Variants in SPOCK3 observed in about 807,000 individuals in gnomAD.
SPOCK3 encodes testican-3.
In SPOCK3, 30 loss-of-function variants were observed where a neutral mutation model predicts 56.6. That is an observed-to-expected ratio of 0.53 (90% CI 0.40 to 0.72). The LOEUF is 0.72. Among genes scored for constraint, SPOCK3 ranks in the 30% least tolerant of loss-of-function variants. The pLI is 0.00. For missense variants in SPOCK3, 527 were observed against 530.0 expected, an observed-to-expected ratio of 0.99 and a Z score of 0.06; for synonymous variants, 196 against 183.3, an observed-to-expected ratio of 1.07 and a Z score of -0.56.
chr4:167,000,681 G>A (rs185407586), intron 3 of SPOCK3, among the ~76,000 whole-genome samples: 54 of 152,288 alleles, frequency 3.5e-4, no homozygotes, highest in Middle Eastern at 3.4e-3. Flanking sequence ...AAGCTAAGAT[G>A]CACATATGCC....
rs556231752 is a variant in SPOCK3, at chr4:166,794,194, G to A, written c.590-1905C>T. On this transcript the variant is annotated intron_variant, in intron 6 of 10. Coordinates refer to ENST00000357545, the MANE Select transcript of SPOCK3 (RefSeq NM_001040159.2). Reference sequence around the variant, plus strand: ...TACTGATAAGGTCCACCATGGCTGAGGCTGAGGTGATAAGGCAAAAAAAAA... The same window carrying A: ...TACTGATAAGGTCCACCATGGCTGAAGCTGAGGTGATAAGGCAAAAAAAAA... 6.9e-5 allele frequency among the ~76,000 whole-genome samples: 9 copies of A among 131,294 alleles called. 1 individual carries two copies. In the South Asian group the frequency reaches 2.2e-3, roughly 33 times the overall value. The allele number at this position is 131,294 out of a possible 152,430, so 86.1% of individuals were successfully genotyped here.
At chr4:166,993,045 G>GGGGTTTCT (rs948698513) in intron 4 of SPOCK3, among the ~76,000 whole-genome samples, 24 of 152,234 alleles carry the variant, frequency 1.6e-4, no homozygotes, top group African/African-American at 5.3e-4. Flanking sequence ...TGTTCTCACA[G>GGGGTTTCT]CTGAAATCTT....
chr4:166,775,188 A>T (rs1007002708), intron 7 of SPOCK3, among the ~76,000 whole-genome samples: 1 of 152,096 alleles, frequency 6.6e-6, no homozygotes, highest in African/African-American at 2.4e-5. Flanking sequence ...GTCACTGCAG[A>T]AAAAAAATGA....
At chr4:166,816,947 C>G (rs1447296543) in intron 6 of SPOCK3, among the ~76,000 whole-genome samples, 2 of 151,960 alleles carry the variant, frequency 1.3e-5, no homozygotes, top group Non-Finnish European at 2.9e-5. Flanking sequence ...ATTCTTTCCA[C>G]TTTGTGTTAG....
intron 2 of SPOCK3, among the ~76,000 whole-genome samples, chr4:167,228,737 C>T (rs972500637): frequency 1.1e-4 from 16 of 152,052 alleles, no homozygotes; most frequent in African/African-American, 3.9e-4. Context: ...AGAGCCTAGC[C>T]CTTTGCTGCT....
chr4:166,895,625 T>C (rs1459348837), intron 5 of SPOCK3, among the ~76,000 whole-genome samples: 1 of 152,214 alleles, frequency 6.6e-6, no homozygotes, highest in African/African-American at 2.4e-5. Context: ...AACTAAATTG[T>C]TACATTAACT....
At chr4:166,797,976 G>A (rs1214875518) in intron 6 of SPOCK3, among the ~76,000 whole-genome samples, 1 of 151,956 alleles carries the variant, frequency 6.6e-6, no homozygotes, top group Non-Finnish European at 1.5e-5. Context: ...ATACAATGTT[G>A]CTCCCATAAG....
At chr4:167,092,062 G>A (rs753608645) in intron 2 of SPOCK3, among the ~76,000 whole-genome samples, 12 of 152,058 alleles carry the variant, frequency 7.9e-5, no homozygotes, top group African/African-American at 2.4e-5. Flanking sequence ...TGCAGAAGGT[G>A]GGTGATTTCT....
At chr4:167,196,940 C>G (rs529307921) in intron 2 of SPOCK3, among the ~76,000 whole-genome samples, 1 of 152,088 alleles carries the variant, frequency 6.6e-6, no homozygotes, top group Admixed American at 6.6e-5. Context: ...TGCCATATAA[C>G]ATTATCTTTG....
intron 4 of SPOCK3, among the ~76,000 whole-genome samples, chr4:166,994,481 T>A (rs1224941402): frequency 6.6e-6 from 1 of 152,128 alleles, no homozygotes; most frequent in East Asian, 1.9e-4. Context: ...ATGAATTTCC[T>A]GCTGTAAGAA....
chr4:166,740,148 C>G (rs1253217999), intron 9 of SPOCK3, among the ~76,000 whole-genome samples: 2 of 152,064 alleles, frequency 1.3e-5, no homozygotes, highest in African/African-American at 4.8e-5. Flanking sequence ...CTTTTCCTTT[C>G]AAAGACTGAA....
chr4:166,915,623 C>T (rs751898285), intron 4 of SPOCK3, among the ~76,000 whole-genome samples: 1 of 152,018 alleles, frequency 6.6e-6, no homozygotes, highest in Non-Finnish European at 1.5e-5. Flanking sequence ...AATGAAGTCA[C>T]ATAGTCATTG....
chr4:166,840,904 G>A (rs1378474196), intron 6 of SPOCK3, among the ~76,000 whole-genome samples: 5 of 146,968 alleles, frequency 3.4e-5, no homozygotes, highest in Admixed American at 6.9e-5. Flanking sequence ...TCAGCCTCCC[G>A]AGTAGCTGGT....
intron 2 of SPOCK3, among the ~76,000 whole-genome samples, chr4:167,169,696 G>C (rs903581390): frequency 1.3e-4 from 20 of 151,850 alleles, no homozygotes; most frequent in South Asian, 8.3e-4. Context: ...AATTGATCTT[G>C]AAATGTGAGG....
intron 2 of SPOCK3, among the ~76,000 whole-genome samples, chr4:167,105,463 T>TA (rs552028589): frequency 0.53 from 52,103 of 98,458 alleles, 13,100 homozygotes; most frequent in East Asian, 0.64. Context: ...ACACAAAAAT[T>TA]AAAAAAAAAA....
At chr4:166,912,936 G>C (rs1011984992) in intron 4 of SPOCK3, among the ~76,000 whole-genome samples, 193 bp from the exon 5 acceptor site, 17 of 151,924 alleles carry the variant, frequency 1.1e-4, no homozygotes, top group Middle Eastern at 6.8e-3. Context: ...CTTAAGGCTT[G>C]CCTCTGATAA....
chr4:166,813,287 C>T (rs1401261354), intron 6 of SPOCK3, among the ~76,000 whole-genome samples: 3 of 151,938 alleles, frequency 2.0e-5, no homozygotes, highest in African/African-American at 2.4e-5. Flanking sequence ...TAGAAAGGGT[C>T]TGCAGCGTAT....
intron 2 of SPOCK3, among the ~76,000 whole-genome samples, chr4:167,072,555 CT>C (rs1441733372): frequency 2.0e-4 from 30 of 151,862 alleles, no homozygotes; most frequent in African/African-American, 6.5e-4. Flanking sequence ...AACAATAAAT[CT>C]TTTGTTGAGA....
intron 4 of SPOCK3, among the ~76,000 whole-genome samples, chr4:166,967,096 A>G (rs1025074587): frequency 6.6e-6 from 1 of 152,122 alleles, no homozygotes; most frequent in African/African-American, 2.4e-5. Context: ...TGATTTATGA[A>G]GTACTTCCTC....
Sources: gnomAD v4.1 joint callset for allele counts (sites outside exome capture counted in the v4.1 genomes callset) on GRCh38, gnomAD v4.1.1 for gene constraint, MANE v1.5 for transcripts, NCBI Gene and HGNC (gene_info 2026-07-23, HGNC 2026-07-21) for gene names.